Variants in MGLL observed in about 807,000 individuals in gnomAD.
MGLL encodes the protein monoglyceride lipase, also known as lysophospholipase homolog.
MGLL carries 7 observed loss-of-function variants against 29.1 expected under a neutral mutation model. The observed-to-expected ratio is 0.24, with a 90% CI of 0.14 to 0.45. The LOEUF (loss-of-function observed/expected upper bound fraction) is 0.45, where lower values mean the gene tolerates loss of function less well. Ranked by LOEUF, MGLL falls within the 20% of genes least tolerant of loss-of-function variation. MGLL has a pLI of 0.99. For synonymous variants in MGLL, 148 were observed against 168.3 expected, an observed-to-expected ratio of 0.88 and a Z score of 0.93; for missense variants, 356 against 413.6, an observed-to-expected ratio of 0.86 and a Z score of 1.21.
At chr3:127,768,720 T>C (rs1347873239) in intron 3 of MGLL, among the ~76,000 whole-genome samples, 12 of 152,196 alleles carry the variant, frequency 7.9e-5, no homozygotes, top group Non-Finnish European at 1.5e-5. Context: ...AAGCTCCCTG[T>C]CCTGTCCACC....
intron 6 of MGLL, among the ~76,000 whole-genome samples, chr3:127,709,991 T>C (rs1242497980): frequency 2.0e-5 from 3 of 152,210 alleles, no homozygotes; most frequent in Admixed American, 2.0e-4. Flanking sequence ...GTGGGGATGA[T>C]ACTACCCCCC....
chr3:127,766,649 T>C (rs1394370974), intron 3 of MGLL, among the ~76,000 whole-genome samples: 1 of 152,240 alleles, frequency 6.6e-6, no homozygotes, highest in African/African-American at 2.4e-5. Context: ...TGGTTCATTA[T>C]AGAGGATTCT....
At chr3:127,727,986 T>C (rs1370602799) in intron 3 of MGLL, among the ~76,000 whole-genome samples, 1 of 152,242 alleles carries the variant, frequency 6.6e-6, no homozygotes, top group Non-Finnish European at 1.5e-5. Flanking sequence ...GAAGTTTAAA[T>C]TCTTACAAAC....
At chr3:127,750,745 C>A (rs571061922) in intron 3 of MGLL, among the ~76,000 whole-genome samples, 3 of 152,254 alleles carry the variant, frequency 2.0e-5, no homozygotes, top group African/African-American at 7.2e-5. Context: ...AAGATTTCTA[C>A]AATGAACTGG....
At chr3:127,817,264 G>C (rs1452861904) in intron 2 of MGLL, among the ~76,000 whole-genome samples, 5 of 152,258 alleles carry the variant, frequency 3.3e-5, no homozygotes. Context: ...TGAGGGCAGG[G>C]CTCTGGAGGA....
At chr3:127,806,366 C>T (rs2077565444) in intron 2 of MGLL, among the ~76,000 whole-genome samples, 1 of 152,192 alleles carries the variant, frequency 6.6e-6, no homozygotes, top group Non-Finnish European at 1.5e-5. Context: ...CTGAATGACA[C>T]TGACGGATGT....
At chr3:127,768,305 G>A (rs2076892481) in intron 3 of MGLL, among the ~76,000 whole-genome samples, 1 of 152,150 alleles carries the variant, frequency 6.6e-6, no homozygotes, top group African/African-American at 2.4e-5. Flanking sequence ...TTATTAGCCA[G>A]AATATCCCTG....
chr3:127,692,929 G>A (rs1053740516), intron 7 of MGLL, among the ~76,000 whole-genome samples: 1 of 152,148 alleles, frequency 6.6e-6, no homozygotes, highest in Non-Finnish European at 1.5e-5. Flanking sequence ...GCTGGACTAC[G>A]GGCTTGGCTG....
chr3:127,759,290 C>G (rs933633023), intron 3 of MGLL, among the ~76,000 whole-genome samples: 1 of 152,200 alleles, frequency 6.6e-6, no homozygotes, highest in Non-Finnish European at 1.5e-5. Flanking sequence ...ACCCCAGCAA[C>G]TGAGACACAG....
At chr3:127,738,799 T>C (rs1334699181) in intron 3 of MGLL, among the ~76,000 whole-genome samples, 1 of 152,134 alleles carries the variant, frequency 6.6e-6, no homozygotes, top group East Asian at 1.9e-4. Context: ...AGTGTGACTG[T>C]ATAAAGAAGC....
At chr3:127,704,484 A>G (rs986670847) in intron 6 of MGLL, among the ~76,000 whole-genome samples, 3 of 152,206 alleles carry the variant, frequency 2.0e-5, no homozygotes, top group Admixed American at 1.3e-4. Context: ...GAAAATTTTT[A>G]CAATCTATCC....
chr3:127,766,127 G>C (rs2076851349), intron 3 of MGLL, among the ~76,000 whole-genome samples: 1 of 152,134 alleles, frequency 6.6e-6, no homozygotes, highest in South Asian at 2.1e-4. Flanking sequence ...ATTTCCCCAT[G>C]ATCACTCCCA....
intron 2 of MGLL, among the ~76,000 whole-genome samples, chr3:127,808,271 C>A (rs1239245416): frequency 6.6e-6 from 1 of 152,294 alleles, no homozygotes; most frequent in Admixed American, 6.5e-5. Context: ...GGCAACATGA[C>A]CAGGAACTGG....
intron 6 of MGLL, among the ~76,000 whole-genome samples, chr3:127,695,531 C>A (rs940411396): frequency 1.3e-5 from 2 of 152,164 alleles, no homozygotes; most frequent in Non-Finnish European, 2.9e-5. Flanking sequence ...TCAAGACCAG[C>A]CTGACCAACA....
At chr3:127,693,902 C>T (rs906128572) in intron 7 of MGLL, among the ~76,000 whole-genome samples, 11 of 152,178 alleles carry the variant, frequency 7.2e-5, no homozygotes, top group Non-Finnish European at 1.3e-4. Flanking sequence ...AGGGACTTGG[C>T]AAGGGTTCAC....
intron 2 of MGLL, among the ~76,000 whole-genome samples, chr3:127,806,856 A>C (rs1169124189): frequency 6.6e-6 from 1 of 152,144 alleles, no homozygotes; most frequent in Non-Finnish European, 1.5e-5. Flanking sequence ...ATGAAATCCC[A>C]TCTCTACTAA....
chr3:127,718,181 C>T (rs1207775802), intron 5 of MGLL, among the ~76,000 whole-genome samples: 5 of 152,196 alleles, frequency 3.3e-5, no homozygotes, highest in African/African-American at 9.6e-5. Flanking sequence ...CCGTCTTCCA[C>T]AGGCCAGACT....
At chr3:127,723,810 A>G (rs1474399043) in intron 3 of MGLL, among the ~76,000 whole-genome samples, 1 of 152,190 alleles carries the variant, frequency 6.6e-6, no homozygotes, top group Non-Finnish European at 1.5e-5. Context: ...ACCAATTGAT[A>G]TGGGTTGACT....
rs147502943 is a variant in MGLL at position 127,773,057 on chromosome 3, G to A, written c.262+8732C>T. 2.5e-3 allele frequency among the ~76,000 whole-genome samples: 385 copies of A among 152,338 alleles called. 3 individuals carry two copies. Among genetic ancestry groups the A allele is most frequent in the African/African-American group, 8.2e-3 (340 of 41,566 alleles). ...AGCCTGGACGCACTGAGGCACTCTC[G>A]GCAGATCTGAAGGCAACAGCTGGGC... On this transcript the variant is annotated intron_variant, in intron 3 of 7. Transcript: ENST00000265052.
Sources: allele counts gnomAD v4.1 joint callset (sites outside exome capture counted in the v4.1 genomes callset), GRCh38; gene constraint gnomAD v4.1.1; transcripts MANE v1.5; gene names NCBI Gene and HGNC (gene_info 2026-07-23, HGNC 2026-07-21).